The following TENM2 variants were observed in gnomAD, a reference collection of about 807,000 sequenced individuals.
TENM2 encodes the protein teneurin-2.
TENM2 carries 52 observed loss-of-function variants against 245.2 expected under a neutral mutation model. That is an observed-to-expected ratio of 0.21 (90% CI 0.17 to 0.27). The LOEUF is 0.27. TENM2 is among the 10% of genes least tolerant of loss of function. The probability of loss-of-function intolerance (pLI) is 1.00; values close to 1 mark genes in which losing one functional copy is unlikely to be tolerated. For synonymous variants in TENM2, 1,363 were observed against 1,438.9 expected, an observed-to-expected ratio of 0.95 and a Z score of 1.19; for missense variants, 3,046 against 3,666.8, an observed-to-expected ratio of 0.83 and a Z score of 4.37.
chr5:167,445,336 T>TATATATATATATAGAGAGAG (rs368881390), intron 2 of TENM2, among the ~76,000 whole-genome samples: 1 of 77,302 alleles, frequency 1.3e-5, no homozygotes, highest in Admixed American at 1.4e-4. Flanking sequence ...TATATATATA[T>TATATATATATATAGAGAGAG]AGAGAGAGAG....
At chr5:167,461,377 A>G (rs1352098642) in intron 2 of TENM2, among the ~76,000 whole-genome samples, 3 of 152,082 alleles carry the variant, frequency 2.0e-5, no homozygotes, top group African/African-American at 7.2e-5. Flanking sequence ...CATGTACTAG[A>G]TGGCCTCAAG....
intron 4 of TENM2, among the ~76,000 whole-genome samples, chr5:167,981,982 AAAAAAAAAAAAAAG>A (rs1355172770): frequency 8.9e-6 from 1 of 111,892 alleles, no homozygotes. Context: ...TTCAGACCAA[AAAAAAAAAAAAAAG>A]AAAAAAGAAA....
chr5:167,167,192 G>A, the TENM2 span, among the ~76,000 whole-genome samples: 1 of 152,152 alleles, frequency 6.6e-6, no homozygotes, highest in African/African-American at 2.4e-5. Context: ...AGCAAGTCCC[G>A]TCTGTAAATT....
chr5:168,224,639 C>G (rs758121270), intron 23 of TENM2, among the ~76,000 whole-genome samples: 1 of 152,176 alleles, frequency 6.6e-6, no homozygotes, highest in Admixed American at 6.5e-5. Flanking sequence ...TCTGAGGACC[C>G]CCCATCCCCA....
intron 2 of TENM2, among the ~76,000 whole-genome samples, chr5:167,622,618 T>G (rs1164217516): frequency 6.6e-6 from 1 of 152,114 alleles, no homozygotes; most frequent in African/African-American, 2.4e-5. Context: ...TTCCACAAGG[T>G]TCAGGGGTGA....
intron 5 of TENM2, among the ~76,000 whole-genome samples, chr5:168,039,429 A>G (rs1168103796): frequency 6.6e-6 from 1 of 152,228 alleles, no homozygotes; most frequent in African/African-American, 2.4e-5. Flanking sequence ...CGTTATCAGA[A>G]AAGCTCTTAA....
rs73803279 is a variant in TENM2, at chr5:167,919,594, G to A, written c.713-32994G>A. ...GGGTTCCCAGAACGGGAGGCGAAGA[G>A]GTAACCCCTTGACCTAAGAGGAAAA... On this transcript the variant is annotated intron_variant, in intron 3 of 28. Coordinates refer to ENST00000518659, the Ensembl canonical transcript of TENM2. Among the ~76,000 whole-genome samples the A allele has an allele frequency of 1.6e-3, 249 of 152,314 alleles. 1 individual carries two copies. The highest frequency in any genetic ancestry group is 5.7e-3 in the African/African-American group (236 of 41,568).
At chr5:167,746,107 A>G (rs1761539692) in intron 2 of TENM2, among the ~76,000 whole-genome samples, 2 of 152,222 alleles carry the variant, frequency 1.3e-5, no homozygotes, top group Non-Finnish European at 2.9e-5. Flanking sequence ...AAGCTTATAA[A>G]GAAGCAACTC....
At position 167,379,699 on chromosome 5, in the gene TENM2, A is replaced by G. The variant is rs1760978860; in HGVS notation, c.502+4226A>G. On this transcript the variant is annotated intron_variant, in intron 2 of 28. Coordinates refer to ENST00000518659, the Ensembl canonical transcript of TENM2. ...CCTGGAACAGACATAAAAACTTACT[A>G]AGAGCTCCAGACCTAGCCAAAGGCC... Among the ~76,000 whole-genome samples the G allele has an allele frequency of 2.6e-5, 4 of 152,108 alleles. 1 individual carries two copies. In the South Asian group the frequency reaches 8.3e-4, roughly 31 times the overall value.
At chr5:167,079,632 A>G in the TENM2 span, among the ~76,000 whole-genome samples, 1 of 151,554 alleles carries the variant, frequency 6.6e-6, no homozygotes, top group African/African-American at 2.4e-5. Flanking sequence ...TTATATTACT[A>G]TATTTTATAT....
At chr5:167,900,946 G>A (rs1338767077) in intron 3 of TENM2, among the ~76,000 whole-genome samples, 1 of 151,898 alleles carries the variant, frequency 6.6e-6, no homozygotes, top group African/African-American at 2.4e-5. Context: ...GCGGGGTGGG[G>A]GACAGGAATG....
chr5:167,758,805 C>G (rs1218731918), intron 2 of TENM2, among the ~76,000 whole-genome samples: 1 of 151,940 alleles, frequency 6.6e-6, no homozygotes, highest in East Asian at 1.9e-4. Flanking sequence ...TTTAAATAGT[C>G]CCCTTATTAA....
At chr5:167,979,455 A>G (rs1030997127) in intron 4 of TENM2, among the ~76,000 whole-genome samples, 3 of 152,156 alleles carry the variant, frequency 2.0e-5, no homozygotes, top group African/African-American at 2.4e-5. Flanking sequence ...ACTTATAGGA[A>G]GATTATCTCT....
chr5:167,604,404 T>G (rs961951298), intron 2 of TENM2, among the ~76,000 whole-genome samples: 3 of 152,206 alleles, frequency 2.0e-5, no homozygotes, highest in Non-Finnish European at 4.4e-5. Flanking sequence ...TTCAATCTCT[T>G]CATTTGTATT....
chr5:168,222,121 G>A (rs1763723263), intron 23 of TENM2, among the ~76,000 whole-genome samples: 1 of 152,202 alleles, frequency 6.6e-6, no homozygotes, highest in Non-Finnish European at 1.5e-5. Flanking sequence ...TCAACTAACT[G>A]TAGAGTGGAT....
chr5:167,044,005 C>T, the TENM2 span, among the ~76,000 whole-genome samples: 17 of 140,234 alleles, frequency 1.2e-4, no homozygotes, highest in African/African-American at 3.7e-4. Context: ...GGTGACAGAG[C>T]GAGACTGCAT....
intron 13 of TENM2, among the ~76,000 whole-genome samples, chr5:168,167,946 C>G (rs1758454893): frequency 2.0e-5 from 3 of 152,196 alleles, no homozygotes; most frequent in African/African-American, 7.2e-5. Flanking sequence ...CTAGCATTAA[C>G]ATTATTAATA....
intron 2 of TENM2, among the ~76,000 whole-genome samples, chr5:167,706,203 A>G (rs930229260): frequency 6.2e-5 from 9 of 146,146 alleles, no homozygotes; most frequent in Non-Finnish European, 1.3e-4. Flanking sequence ...TATACTATAT[A>G]ATTATATAGT....
the TENM2 span, among the ~76,000 whole-genome samples, chr5:167,026,291 T>G: frequency 6.6e-6 from 1 of 152,226 alleles, no homozygotes. Context: ...AGAACTTAGA[T>G]GTGCAGCTTC....
Sources: gnomAD v4.1 joint callset for allele counts (sites outside exome capture counted in the v4.1 genomes callset) on GRCh38, gnomAD v4.1.1 for gene constraint, MANE v1.5 for transcripts, NCBI Gene and HGNC (gene_info 2026-07-23, HGNC 2026-07-21) for gene names.